Variants in SYT14 observed in about 807,000 individuals in gnomAD.
SYT14 encodes synaptotagmin-14.
A neutral mutation model predicts 74.2 loss-of-function variants in SYT14; 32 were observed. The ratio of observed to expected loss-of-function variants is 0.43; its 90% CI spans 0.33 to 0.58. The LOEUF (loss-of-function observed/expected upper bound fraction) is 0.58, where lower values mean the gene tolerates loss of function less well. SYT14 is among the 20% of genes least tolerant of loss of function. The pLI, the probability that SYT14 is intolerant of heterozygous loss-of-function variation, is 0.05. For missense variants in SYT14, 791 were observed against 981.8 expected (o/e 0.81, Z 2.60); for synonymous variants, 298 against 337.7 (o/e 0.88, Z 1.29).
At chr1:210,007,561 G>T (rs930807712) in intron 2 of SYT14, among the ~76,000 whole-genome samples, 4 of 152,082 alleles carry the variant, frequency 2.6e-5, no homozygotes, top group Non-Finnish European at 5.9e-5. Flanking sequence ...TAGAATTCCA[G>T]TTTTAAAATT....
intron 2 of SYT14, among the ~76,000 whole-genome samples, chr1:210,006,023 T>G (rs372375631): frequency 1.3e-5 from 2 of 151,954 alleles, no homozygotes; most frequent in Non-Finnish European, 2.9e-5. Context: ...TGGCATCTGT[T>G]TTATCAACCT....
In SYT14 at chr1:210,103,262, A is replaced by G. The variant is rs2082101179; in HGVS notation, c.2034+2801A>G. 2.6e-5 allele frequency among the ~76,000 whole-genome samples: 4 copies of G among 152,118 alleles called. No homozygotes were observed. The South Asian group carries it at 8.3e-4, about 32-fold the overall frequency. ...TCCCTGAGAATAAGATTAAAGTTTAACATTAAGGCCGGGCGCAGTGGCTCA... is the reference window on the plus strand; with the variant it reads ...TCCCTGAGAATAAGATTAAAGTTTAGCATTAAGGCCGGGCGCAGTGGCTCA... On this transcript the variant is annotated intron_variant, in intron 7 of 9. Coordinates refer to ENST00000637265, the Ensembl canonical transcript of SYT14.
chr1:209,974,926 A>G (rs573560931), intron 2 of SYT14, among the ~76,000 whole-genome samples: 20 of 152,268 alleles, frequency 1.3e-4, no homozygotes, highest in African/African-American at 4.6e-4. Context: ...GAGGTCCTTC[A>G]TGTCCCTTGT....
chr1:210,092,690 CACTTTTTTACTTTTTGCTT>C (rs1158164899), intron 5 of SYT14, among the ~76,000 whole-genome samples: 7 of 152,172 alleles, frequency 4.6e-5, no homozygotes, highest in African/African-American at 1.4e-4. Flanking sequence ...TTAATTCAGC[CACTTTTTTACTTTTTGCTT>C]ACGTTATAAA....
exon 10 of SYT14, chr1:210,168,854 T>C (rs2083486280): frequency 6.6e-6 from 1 of 152,130 alleles, no homozygotes; most frequent in African/African-American, 2.4e-5. Context: ...TTAGTGTTGA[T>C]GGAAGTAATC....
At chr1:209,999,850 G>A (rs1477266724) in intron 2 of SYT14, among the ~76,000 whole-genome samples, 1 of 152,118 alleles carries the variant, frequency 6.6e-6, no homozygotes, top group African/African-American at 2.4e-5. Flanking sequence ...GCAGAGCAGG[G>A]TGACTAGTTA....
Position 210,163,750 on chromosome 1 carries a change from TCA to T in SYT14, c.*2709_*2710del, listed in dbSNP as rs200454678. ...CTTTTAGAAAAGGATTAAATAAGGC[TCA>T]GGGGACCCACTTCACTCTACTGAAT... On this transcript the variant is annotated 3_prime_UTR_variant, in exon 10 of 10. Coordinates refer to ENST00000637265, the Ensembl canonical transcript of SYT14. 4.0e-3 allele frequency: 1,798 copies of T among 448,714 alleles called. 11 individuals carry two copies. Among genetic ancestry groups the T allele is most frequent in the Middle Eastern group, 6.9e-3 (10 of 1,440 alleles). The allele number at this position is 448,714 out of a possible 1,614,324, so 27.8% of individuals were successfully genotyped here. A position where few individuals can be genotyped will look rare whatever the true frequency, so the allele number is the denominator to read the frequency against.
At chr1:210,166,945 A>G (rs1558237352) in exon 10 of SYT14, 1 of 152,184 alleles carries the variant, frequency 6.6e-6, no homozygotes, top group Non-Finnish European at 1.5e-5. Context: ...ATATTTAATG[A>G]AAAAAATTAA....
At chr1:209,987,054 C>T (rs1181549811) in intron 2 of SYT14, among the ~76,000 whole-genome samples, 2 of 152,226 alleles carry the variant, frequency 1.3e-5, no homozygotes, top group Non-Finnish European at 2.9e-5. Context: ...CATCTGAGAA[C>T]TCAGCAGCCT....
intron 2 of SYT14, among the ~76,000 whole-genome samples, chr1:209,970,860 A>G (rs2079243297): frequency 6.6e-6 from 1 of 151,542 alleles, no homozygotes; most frequent in African/African-American, 2.4e-5. Flanking sequence ...TTGTATTATT[A>G]GTAGAGATGG....
intron 2 of SYT14, among the ~76,000 whole-genome samples, chr1:210,009,446 A>G (rs984024445): frequency 6.6e-6 from 1 of 152,102 alleles, no homozygotes; most frequent in African/African-American, 2.4e-5. Context: ...CAGTCAGGGT[A>G]TTGTGTGAAC....
intron 5 of SYT14, among the ~76,000 whole-genome samples, chr1:210,046,126 C>T (rs860155): frequency 0.57 from 86,313 of 152,018 alleles, 26,582 homozygotes; most frequent in African/African-American, 0.81. Context: ...ATCCCAGCAC[C>T]TTGGGAGGGT....
At chr1:210,073,135 C>T (rs2081426123) in intron 5 of SYT14, among the ~76,000 whole-genome samples, 1 of 151,828 alleles carries the variant, frequency 6.6e-6, no homozygotes, top group South Asian at 2.1e-4. Flanking sequence ...ACAACCTTTT[C>T]CCCCTTAGTA....
At chr1:209,953,671 C>G (rs932421722) in intron 2 of SYT14, among the ~76,000 whole-genome samples, 8 of 152,126 alleles carry the variant, frequency 5.3e-5, no homozygotes, top group Non-Finnish European at 8.8e-5. Context: ...CTTCTTTAGA[C>G]TTGAAAAAAT....
intron 5 of SYT14, among the ~76,000 whole-genome samples, chr1:210,042,430 T>C (rs1281381361): frequency 1.3e-5 from 2 of 152,242 alleles, no homozygotes; most frequent in African/African-American, 2.4e-5. Context: ...ATGAAGTCTT[T>C]GTCCATGCCT....
chr1:209,939,810 A>T (rs907264153), intron 1 of SYT14, among the ~76,000 whole-genome samples: 1 of 152,242 alleles, frequency 6.6e-6, no homozygotes, highest in African/African-American at 2.4e-5. Context: ...GGCAGATGCC[A>T]TTCGGATATG....
intron 5 of SYT14, among the ~76,000 whole-genome samples, chr1:210,079,225 T>C (rs2081573134): frequency 6.6e-6 from 1 of 152,088 alleles, no homozygotes; most frequent in South Asian, 2.1e-4. Context: ...ATAAATTAAT[T>C]AATTTGAAAA....
At chr1:210,015,012 A>T (rs1264256198) in intron 3 of SYT14, among the ~76,000 whole-genome samples, 7 of 151,714 alleles carry the variant, frequency 4.6e-5, no homozygotes, top group Non-Finnish European at 1.0e-4. Context: ...CAGAAAATTT[A>T]AAAATATTAT....
chr1:210,110,981 T>C (rs1199924437), intron 7 of SYT14, among the ~76,000 whole-genome samples: 1 of 152,180 alleles, frequency 6.6e-6, no homozygotes, highest in African/African-American at 2.4e-5. Context: ...CGACTTCAGG[T>C]GATCTGCCTG....
Sources: gnomAD v4.1 joint callset for allele counts (sites outside exome capture counted in the v4.1 genomes callset) on GRCh38, gnomAD v4.1.1 for gene constraint, MANE v1.5 for transcripts, NCBI Gene and HGNC (gene_info 2026-07-23, HGNC 2026-07-21) for gene names.